STRADA: variants seen among roughly 807,000 people sequenced by gnomAD.
STRADA encodes STE20-related kinase adapter protein alpha.
A neutral mutation model predicts 55.0 loss-of-function variants in STRADA; 26 were observed. The observed-to-expected ratio is 0.47, with a 90% CI of 0.35 to 0.66. The LOEUF (loss-of-function observed/expected upper bound fraction) is 0.66. STRADA is among the 30% of genes least tolerant of loss of function. STRADA has a pLI of 0.01. For synonymous variants in STRADA, 197 were observed against 210.9 expected (o/e 0.93, Z 0.57); for missense variants, 443 against 549.7 (o/e 0.81, Z 1.94).
At chr17:63,704,806 T>C (rs1598149873) in intron 10 of STRADA, 2 of 1,534,600 alleles carry the variant, frequency 1.3e-6, no homozygotes, top group South Asian at 2.4e-5. Flanking sequence ...AGGAGAGGGG[T>C]TGCACAAAAG....
At chr17:63,733,047 C>T (rs570783429) in intron 1 of STRADA, among the ~76,000 whole-genome samples, 50 of 152,278 alleles carry the variant, frequency 3.3e-4, no homozygotes, top group Middle Eastern at 6.8e-3. Flanking sequence ...GCCACCACAC[C>T]CAGCTAGTTT....
intron 1 of STRADA, among the ~76,000 whole-genome samples, chr17:63,732,513 A>G (rs1387284228): frequency 6.6e-6 from 1 of 151,720 alleles, no homozygotes; most frequent in Non-Finnish European, 1.5e-5. Context: ...TTGCTTGTGT[A>G]GGCCGGGCGT....
Position 63,707,366 on chromosome 17 carries a change from A to C in STRADA, c.634T>G (p.Ser212Ala), listed in dbSNP as rs767725266. 46 of 1,614,060 alleles carry C rather than the reference A, an allele frequency of 2.8e-5. No individual in the cohort carries two copies. The highest frequency in any genetic ancestry group is 1.1e-5 in the Non-Finnish European group (13 of 1,180,032). Residue 212 changes from serine (S) to alanine (A), a missense_variant, in exon 9 of 13, where the codon TCT (serine) becomes GCT (alanine). Coordinates refer to ENST00000336174, the MANE Select transcript of STRADA (RefSeq NM_001003787.4). Reference sequence around the variant, plus strand: ...ATGCTGAGGTTGCTGCGCAAACCAGACAGGTAGACCTTCCCATCCACAGAG... The same window carrying C: ...ATGCTGAGGTTGCTGCGCAAACCAGCCAGGTAGACCTTCCCATCCACAGAG... The part of the protein sequence containing the change: ...LISVDGKVYL[S>A]GLRSNLSMIS...
In STRADA at chr17:63,740,107, T is replaced by TATATATATATATATATATATATAC. The variant is rs1309095081; in HGVS notation, c.-45+1633_-45+1634insGTATATATATATATATATATATAT. On this transcript the variant is annotated intron_variant, in intron 1 of 12. Coordinates refer to ENST00000336174, the MANE Select transcript of STRADA (RefSeq NM_001003787.4). Reference sequence around the variant, plus strand: ...AACACTATATATATATATATATATATACATACATACATATATATATACACA... The same window carrying TATATATATATATATATATATATAC: ...AACACTATATATATATATATATATATATATATATATATATATATATATACACATACATACATATATATATACACA... Among the ~76,000 whole-genome samples the TATATATATATATATATATATATAC allele has an allele frequency of 6.0e-3, 300 of 49,600 alleles. 30 individuals carry two copies. The highest frequency in any genetic ancestry group is 0.024 in the African/African-American group (254 of 10,516). 32.5% of individuals were successfully genotyped at this position (49,600 alleles called of 152,430 possible). A position where few individuals can be genotyped will look rare whatever the true frequency, so the allele number is the denominator to read the frequency against.
chr17:63,737,248 C>CAAAAAAAAAAAAAAAAAAAAAAAAA lies in STRADA; in HGVS notation c.-45+4468_-45+4492dup, dbSNP rs59155094. 13 of 72,586 alleles carry CAAAAAAAAAAAAAAAAAAAAAAAAA rather than the reference C, an allele frequency of 1.8e-4. 2 individuals are homozygous for CAAAAAAAAAAAAAAAAAAAAAAAAA. The highest frequency in any genetic ancestry group is 3.5e-4 in the East Asian group (1 of 2,886). The allele number at this position is 72,586 out of a possible 1,614,324, so 4.5% of individuals were successfully genotyped here. A position where few individuals can be genotyped will look rare whatever the true frequency, so the allele number is the denominator to read the frequency against. On this transcript the variant is annotated intron_variant, in intron 1 of 12. Coordinates refer to ENST00000336174, the MANE Select transcript of STRADA (RefSeq NM_001003787.4). ...TGGGTGACAGAGCAACACTCTATCT[C>CAAAAAAAAAAAAAAAAAAAAAAAAA]AAAAAAAAAAAAAAAAAAAAAAAAA...
At position 63,714,064 on chromosome 17, in the gene STRADA, C is replaced by G; in HGVS notation, c.168G>C (p.Gln56His). The stretch of plus-strand genomic sequence containing the variant: ...CTGGCAGAAAGCTACTCATGACCTC[C>G]TGTTTAGAGAAGGATGCTATTGACT... ...SSESIASFSKQEVMSSFLPEG... is the reference protein window; with the variant it reads ...SSESIASFSKHEVMSSFLPEG... The change falls in exon 5 of 13, where the codon CAG becomes CAC. Residue 56 changes from glutamine to histidine, a missense_variant. By Grantham distance (24) the Gln-to-His change is conservative. Transcript: ENST00000336174. 1 of 1,613,914 alleles carries G rather than the reference C, an allele frequency of 6.2e-7. No individual in the cohort carries two copies. The highest frequency in any genetic ancestry group is 1.7e-5 in the Admixed American group (1 of 60,000).
intron 4 of STRADA, among the ~76,000 whole-genome samples, chr17:63,722,542 C>T (rs1220954710): frequency 6.6e-6 from 1 of 152,200 alleles, no homozygotes; most frequent in Non-Finnish European, 1.5e-5. Context: ...GACATAAGCA[C>T]AGCCAAAGCT....
At chr17:63,708,200 C>T (rs887922630) in intron 8 of STRADA, among the ~76,000 whole-genome samples, 1 of 150,778 alleles carries the variant, frequency 6.6e-6, no homozygotes, top group Non-Finnish European at 1.5e-5. Flanking sequence ...GTTTTTTGTT[C>T]TTGTTGTTGT....
rs752942352 is a variant in STRADA, at chr17:63,704,087, G to A, written c.1101-40C>T. ...GAGGAGAGACCGCAGCATCACTGCC[G>A]TGTCCCCAGCTTCCCGAAATCCTGC... is the stretch of plus-strand genomic sequence containing the variant. On this transcript the variant is annotated intron_variant, in intron 11 of 12. Transcript: ENST00000336174. The A allele has an allele frequency of 4.7e-5, 75 of 1,604,144 alleles. No individual in the cohort carries two copies. In the East Asian group the frequency reaches 1.0e-3, roughly 21 times the overall value.
chr17:63,732,326 AT>A (rs2038124542), intron 1 of STRADA, among the ~76,000 whole-genome samples: 1 of 151,958 alleles, frequency 6.6e-6, no homozygotes, highest in South Asian at 2.1e-4. Flanking sequence ...ATTAAAAACC[AT>A]TCTTTTTTTG....
At chr17:63,732,779 A>G (rs1320676510) in intron 1 of STRADA, among the ~76,000 whole-genome samples, 1 of 151,612 alleles carries the variant, frequency 6.6e-6, no homozygotes, top group Non-Finnish European at 1.5e-5. Flanking sequence ...TAGGTAACAG[A>G]CTATGTTGTC....
At chr17:63,704,622 G>GT (rs201054944) in intron 10 of STRADA, 40 bp from the exon 11 acceptor site, 947 of 786,460 alleles carry the variant, frequency 1.2e-3, no homozygotes, top group Non-Finnish European at 1.5e-3. Flanking sequence ...GTAGCGGGTG[G>GT]GGGGGGGGGG....
intron 7 of STRADA, 48 bp downstream of exon 7, chr17:63,710,680 A>C: frequency 6.2e-7 from 1 of 1,613,978 alleles, no homozygotes; most frequent in Non-Finnish European, 8.5e-7. Flanking sequence ...GCAATCTGAC[A>C]ACAGAGTCCC....
At position 63,720,047 on chromosome 17, in the gene STRADA, G is replaced by T. The variant is rs1299342605; in HGVS notation, c.123+3251C>A. On this transcript the variant is annotated intron_variant, in intron 4 of 12. Transcript: ENST00000336174. ...TTTTTCTTTTTTTTTTTTGAGACAG[G>T]GTCTCACTCTGTCACCCAGGCTGGA... Among the ~76,000 whole-genome samples the T allele has an allele frequency of 4.0e-5, 6 of 149,882 alleles. No homozygotes were observed. In the East Asian group the frequency reaches 1.2e-3, roughly 30 times the overall value.
chr17:63,707,221 G>T, intron 9 of STRADA, 26 bp downstream of exon 9: 3 of 1,611,830 alleles, frequency 1.9e-6, no homozygotes, highest in Non-Finnish European at 1.7e-6. Flanking sequence ...TTGGGTAGGG[G>T]AGCTCCTCTG....
At chr17:63,736,454 A>G (rs546951322) in intron 1 of STRADA, among the ~76,000 whole-genome samples, 1 of 151,592 alleles carries the variant, frequency 6.6e-6, no homozygotes, top group South Asian at 2.1e-4. Flanking sequence ...ATTGCAAAAC[A>G]CTGTCTCTAC....
chr17:63,723,475 A>G, intron 3 of STRADA, 149 bp from the exon 4 acceptor site: 1 of 752,058 alleles, frequency 1.3e-6, no homozygotes, highest in Non-Finnish European at 2.3e-6. Flanking sequence ...GGGGCTACAT[A>G]TAAACACACA....
intron 4 of STRADA, among the ~76,000 whole-genome samples, chr17:63,721,551 T>C (rs1483496278): frequency 6.6e-6 from 1 of 150,532 alleles, no homozygotes; most frequent in East Asian, 2.0e-4. Flanking sequence ...CTGTCTCTAC[T>C]AAAAATATAA....
rs558336945 is a variant in STRADA at position 63,736,005 on chromosome 17, G to A, written c.-45+5736C>T. Among the ~76,000 whole-genome samples, 3 of 152,214 alleles carry A rather than the reference G, an allele frequency of 2.0e-5. No homozygotes were observed. In the South Asian group the frequency reaches 6.2e-4, roughly 32 times the overall value. ...AGGCCAGGCTGGAGTGCAATGGTGCGATCTTGGCGCACTGCAACCTCTGCC... is the reference window on the plus strand; with the variant it reads ...AGGCCAGGCTGGAGTGCAATGGTGCAATCTTGGCGCACTGCAACCTCTGCC... On this transcript the variant is annotated intron_variant, in intron 1 of 12. Transcript: ENST00000336174.
Sources: gnomAD v4.1 joint callset for allele counts (sites outside exome capture counted in the v4.1 genomes callset) on GRCh38, gnomAD v4.1.1 for gene constraint, MANE v1.5 for transcripts, NCBI Gene and HGNC (gene_info 2026-07-23, HGNC 2026-07-21) for gene names.